Variants in CCDC85C observed in about 807,000 individuals in gnomAD.
The protein encoded by CCDC85C is coiled-coil domain-containing protein 85C.
CCDC85C carries 18 observed loss-of-function variants against 38.3 expected under a neutral mutation model. That is an observed-to-expected ratio of 0.47 (90% CI 0.33 to 0.70). The LOEUF (loss-of-function observed/expected upper bound fraction) is 0.70. Among genes scored for constraint, CCDC85C ranks in the 30% least tolerant of loss-of-function variants. The pLI is 0.03. For missense variants in CCDC85C, 566 were observed against 621.2 expected (o/e 0.91, Z 0.94); for synonymous variants, 264 against 293.8 (o/e 0.90, Z 1.04).
Position 99,504,037 on chromosome 14 carries a change from G to A in CCDC85C, c.*11209C>T, listed in dbSNP as rs1018289717. 9 of 371,684 alleles carry A rather than the reference G, an allele frequency of 2.4e-5. No individual in the cohort carries two copies. Among genetic ancestry groups the A allele is most frequent in the East Asian group, 1.8e-4 (2 of 11,160 alleles). The allele number at this position is 371,684 out of a possible 1,614,324, so 23.0% of individuals were successfully genotyped here. A position where few individuals can be genotyped will look rare whatever the true frequency, so the allele number is the denominator to read the frequency against. On this transcript the variant is annotated 3_prime_UTR_variant, in exon 6 of 6. Transcript: ENST00000380243. ...GGCAGTAGGGGGTGGTGTGCTGCCCGGACAGCACCAGCCCGGCCCAGCCCA... is the reference window on the plus strand; with the variant it reads ...GGCAGTAGGGGGTGGTGTGCTGCCCAGACAGCACCAGCCCGGCCCAGCCCA...
rs1388871293 is a variant in CCDC85C, at chr14:99,588,505, A to C, written c.793+14662T>G. Among the ~76,000 whole-genome samples the C allele has an allele frequency of 6.6e-6, 1 of 152,084 alleles. No individual in the cohort carries two copies. Among genetic ancestry groups the C allele is most frequent in the Non-Finnish European group, 1.5e-5 (1 of 68,018 alleles). Reference sequence around the variant, plus strand: ...CCTGATGTGGGAGTATGAAGGAGAGATCAAGGTTGTAATTCAAAAGAAAAT... The same window carrying C: ...CCTGATGTGGGAGTATGAAGGAGAGCTCAAGGTTGTAATTCAAAAGAAAAT... On this transcript the variant is annotated intron_variant, in intron 1 of 5. Coordinates refer to ENST00000380243, the MANE Select transcript of CCDC85C (RefSeq NM_001144995.2). This position sits in a 1 kb window ranked among gnomAD's most constrained non-coding sequence, Gnocchi z 5.0.
At chr14:99,598,895 T>A (rs1051990320) in intron 1 of CCDC85C, among the ~76,000 whole-genome samples, 2 of 152,138 alleles carry the variant, frequency 1.3e-5, no homozygotes, top group African/African-American at 4.8e-5. Context: ...CTGGGCACAG[T>A]TTACCCACCC....
chr14:99,555,864 C>T (rs1476464865), intron 1 of CCDC85C, among the ~76,000 whole-genome samples: 2 of 152,232 alleles, frequency 1.3e-5, no homozygotes, highest in African/African-American at 4.8e-5. Flanking sequence ...ACCACGTAAT[C>T]AAGTTCACAC....
In CCDC85C at chr14:99,506,128, TAGAG is replaced by T. The variant is rs544065879; in HGVS notation, c.*9114_*9117del. ...AAATGTAGGTTTGTAGTTGTCCACT[TAGAG>T]AGGGGCTTTGGACTCTGAGGAAGAG... On this transcript the variant is annotated 3_prime_UTR_variant, in exon 6 of 6. Coordinates refer to ENST00000380243, the MANE Select transcript of CCDC85C (RefSeq NM_001144995.2). 1 of 152,298 alleles carries T rather than the reference TAGAG, an allele frequency of 6.6e-6. No homozygotes were observed. Among genetic ancestry groups the T allele is most frequent in the Non-Finnish European group, 1.5e-5 (1 of 68,120 alleles). 9.4% of individuals were successfully genotyped at this position (152,298 alleles called of 1,614,324 possible).
chr14:99,540,883 C>T (rs1415268790), intron 1 of CCDC85C, among the ~76,000 whole-genome samples: 5 of 152,186 alleles, frequency 3.3e-5, no homozygotes, highest in African/African-American at 7.2e-5. Context: ...TCCCCATTGG[C>T]GCTGTGCCGG....
chr14:99,561,977 C>T (rs1428255063), intron 1 of CCDC85C, among the ~76,000 whole-genome samples: 1 of 152,204 alleles, frequency 6.6e-6, no homozygotes, highest in East Asian at 1.9e-4. Flanking sequence ...TCTTCCTGGG[C>T]TCCCCACGCG....
intron 1 of CCDC85C, among the ~76,000 whole-genome samples, chr14:99,602,076 A>G (rs1171676437): frequency 3.3e-5 from 5 of 152,250 alleles, no homozygotes; most frequent in Non-Finnish European, 7.3e-5. Flanking sequence ...GGAACCAGAA[A>G]GAGCTGTTCA....
intron 2 of CCDC85C, among the ~76,000 whole-genome samples, chr14:99,530,317 C>T (rs1287623872): frequency 6.6e-6 from 1 of 152,168 alleles, no homozygotes; most frequent in African/African-American, 2.4e-5. Flanking sequence ...TAAAGTCCTC[C>T]AGAGACCCAA....
rs1896917474 is a variant in CCDC85C at position 99,504,310 on chromosome 14, C to T, written c.*10936G>A. The T allele has an allele frequency of 6.4e-6, 1 of 155,576 alleles. No individual in the cohort carries two copies. Among genetic ancestry groups the T allele is most frequent in the Non-Finnish European group, 1.4e-5 (1 of 69,868 alleles). 9.6% of individuals were successfully genotyped at this position (155,576 alleles called of 1,614,324 possible). ...TTCTTTGTTACTTGGTTCTTAGTTC[C>T]AGTAGTTCCTGGTTCTTAGAACCAT... On this transcript the variant is annotated 3_prime_UTR_variant, in exon 6 of 6. Transcript: ENST00000380243.
rs2055225251 is a variant in CCDC85C at position 99,603,226 on chromosome 14, C to G, written c.734G>C (p.Arg245Pro). The G allele has an allele frequency of 2.1e-6, 3 of 1,419,426 alleles. No individual in the cohort carries two copies. Among genetic ancestry groups the G allele is most frequent in the Middle Eastern group, 2.0e-4 (1 of 4,886 alleles). The allele number at this position is 1,419,426 out of a possible 1,614,324, so 87.9% of individuals were successfully genotyped here. Residue 245 changes from arginine to proline, a missense_variant, in exon 1 of 6, where the codon CGG becomes CCG. Around this residue, in one of 3 missense-constraint regions of CCDC85C, gnomAD observed 286 missense variants for 276.4 expected, o/e 1.03. Coordinates refer to ENST00000380243, the MANE Select transcript of CCDC85C (RefSeq NM_001144995.2). The surrounding 1 kb of genome is among the most constrained non-coding windows in gnomAD (Gnocchi z 7.5). The stretch of plus-strand genomic sequence containing the variant: ...CGGCGCCGACAAGTCGTCCAGGGAC[C>G]GACGTGTGGCTCCTGCCTTGCCGTC... ...APDGKAGATRRSLDDLSAPPH... is the reference protein window; with the variant it reads ...APDGKAGATRPSLDDLSAPPH...
chr14:99,568,269 T>TTTTTTTTA (rs1566776692), intron 1 of CCDC85C, among the ~76,000 whole-genome samples: 1 of 147,502 alleles, frequency 6.8e-6, no homozygotes, highest in African/African-American at 2.5e-5. Flanking sequence ...TTTTTTTTTT[T>TTTTTTTTA]TGAGACAAAG....
In CCDC85C at chr14:99,520,732, G is replaced by GC. The variant is rs914264058; in HGVS notation, c.975+1400_975+1401insG. Reference sequence around the variant, plus strand: ...ACCTCTAGGCACACACAGGCACCAGGACGCACTCACCATGGGGCCCTGGCC... The same window carrying GC: ...ACCTCTAGGCACACACAGGCACCAGGCACGCACTCACCATGGGGCCCTGGCC... On this transcript the variant is annotated intron_variant, in intron 3 of 5. Transcript: ENST00000380243. This position sits in a 1 kb window ranked among gnomAD's most constrained non-coding sequence, Gnocchi z 4.1. Among the ~76,000 whole-genome samples, 1 of 152,126 alleles carries GC rather than the reference G, an allele frequency of 6.6e-6. No individual in the cohort carries two copies. The highest frequency in any genetic ancestry group is 2.4e-5 in the African/African-American group (1 of 41,432).
chr14:99,511,266 T>C lies in CCDC85C; in HGVS notation c.*3980A>G, dbSNP rs960172351. 6 of 152,344 alleles carry C rather than the reference T, an allele frequency of 3.9e-5. No individual in the cohort carries two copies. The highest frequency in any genetic ancestry group is 1.4e-4 in the African/African-American group (6 of 41,442). 9.4% of individuals were successfully genotyped at this position (152,344 alleles called of 1,614,324 possible). ...GCAGAAGAACCACATTTTTCATTTA[T>C]AGATGTTTGCATCCTTTGTATTAAA... On this transcript the variant is annotated 3_prime_UTR_variant, in exon 6 of 6. Transcript: ENST00000380243.
intron 1 of CCDC85C, among the ~76,000 whole-genome samples, chr14:99,583,480 GGCAACGA>G (rs1486334120): frequency 2.8e-5 from 4 of 144,624 alleles, no homozygotes; most frequent in African/African-American, 1.0e-4. Flanking sequence ...CTCCAGGCTG[GGCAACGA>G]GCAAAACTCC....
At chr14:99,527,636 G>A (rs1367304885) in intron 2 of CCDC85C, among the ~76,000 whole-genome samples, 2 of 152,130 alleles carry the variant, frequency 1.3e-5, no homozygotes, top group East Asian at 3.9e-4. Context: ...TGCCTGGCAT[G>A]GTGACTCATG....
rs576782936 is a variant in CCDC85C, at chr14:99,569,961, C to CA, written c.793+33205dup. 5.9e-4 allele frequency among the ~76,000 whole-genome samples: 87 copies of CA among 146,704 alleles called. No homozygotes were observed. The highest frequency in any genetic ancestry group is 8.7e-4 in the Non-Finnish European group (58 of 66,344). ...TGGGTGACACAGCAACACACTGTCTCAAAAAAAAAAGAAAGAGCCTGAGCT... is the reference window on the plus strand; with the variant it reads ...TGGGTGACACAGCAACACACTGTCTCAAAAAAAAAAAGAAAGAGCCTGAGCT... On this transcript the variant is annotated intron_variant, in intron 1 of 5. Coordinates refer to ENST00000380243, the MANE Select transcript of CCDC85C (RefSeq NM_001144995.2). The surrounding 1 kb of genome is among the most constrained non-coding windows in gnomAD (Gnocchi z 4.3).
intron 3 of CCDC85C, among the ~76,000 whole-genome samples, chr14:99,518,083 G>C (rs528191534): frequency 6.6e-6 from 1 of 152,138 alleles, no homozygotes; most frequent in African/African-American, 2.4e-5. Flanking sequence ...CTGTAAATGG[G>C]GCCCTGATGA....
rs1393691694 is a variant in CCDC85C at position 99,544,844 on chromosome 14, C to T, written c.794-8756G>A. Among the ~76,000 whole-genome samples the T allele has an allele frequency of 6.6e-6, 1 of 152,174 alleles. No homozygotes were observed. The highest frequency in any genetic ancestry group is 2.4e-5 in the African/African-American group (1 of 41,426). ...CGCCAGGTCACACATGGCCTGCAGG[C>T]TGGCACCAGCTTCCCCTGAGATCCA... On this transcript the variant is annotated intron_variant, in intron 1 of 5. Coordinates refer to ENST00000380243, the MANE Select transcript of CCDC85C (RefSeq NM_001144995.2). This position sits in a 1 kb window ranked among gnomAD's most constrained non-coding sequence, Gnocchi z 5.3.
chr14:99,578,370 TCCC>T (rs1394474973), intron 1 of CCDC85C, among the ~76,000 whole-genome samples: 12 of 148,722 alleles, frequency 8.1e-5, no homozygotes, highest in Admixed American at 7.3e-4. Flanking sequence ...CCGTCCTGTA[TCCC>T]CCATCGGTGT....
Sources: gnomAD v4.1 joint callset for allele counts (sites outside exome capture counted in the v4.1 genomes callset) on GRCh38, gnomAD v4.1.1 for gene constraint, gnomAD v4.1.1 regional missense constraint, Gnocchi (gnomAD v3.1) non-coding constraint, MANE v1.5 for transcripts, NCBI Gene and HGNC (gene_info 2026-07-23, HGNC 2026-07-21) for gene names.